PDE4D: variants seen among roughly 807,000 people sequenced by gnomAD.
PDE4D encodes the protein phosphodiesterase 4D.
Under a neutral mutation model 87.4 loss-of-function variants are expected in PDE4D, and 24 were observed. The ratio of observed to expected loss-of-function variants is 0.27; its 90% CI spans 0.20 to 0.39. PDE4D has a LOEUF of 0.39. PDE4D is among the 10% of genes least tolerant of loss of function. The pLI is 1.00. For missense variants in PDE4D, 714 were observed against 1,041.0 expected, an observed-to-expected ratio of 0.69 and a Z score of 4.32; for synonymous variants, 384 against 383.2, an observed-to-expected ratio of 1.00 and a Z score of -0.02.
At chr5:59,378,333 C>T (rs1785089986) in intron 1 of PDE4D, among the ~76,000 whole-genome samples, 1 of 151,998 alleles carries the variant, frequency 6.6e-6, no homozygotes. Context: ...AGGTAGTAGG[C>T]TTAATACTTG....
chr5:59,164,643 C>T (rs1267663502), intron 5 of PDE4D, among the ~76,000 whole-genome samples: 1 of 152,132 alleles, frequency 6.6e-6, no homozygotes, highest in African/African-American at 2.4e-5. Context: ...TGGGAAAAAG[C>T]ACATATCTTT....
At chr5:60,452,547 G>T (rs963245923) in intron 1 of PDE4D, among the ~76,000 whole-genome samples, 1 of 151,990 alleles carries the variant, frequency 6.6e-6, no homozygotes, top group African/African-American at 2.4e-5. Flanking sequence ...ACAATGATAT[G>T]AACCCTGTCC....
intron 1 of PDE4D, among the ~76,000 whole-genome samples, chr5:60,461,452 C>T (rs754451597): frequency 2.8e-4 from 42 of 152,284 alleles, no homozygotes; most frequent in Non-Finnish European, 4.4e-4. Context: ...TGTTGCCCTG[C>T]GGGCTAGTTC....
chr5:59,304,924 G>A (rs777726840), intron 1 of PDE4D, among the ~76,000 whole-genome samples: 3 of 152,112 alleles, frequency 2.0e-5, no homozygotes, highest in African/African-American at 7.2e-5. Flanking sequence ...ACGAATTAGG[G>A]AAGGTTCCTT....
At chr5:60,242,538 T>C (rs572779347) in intron 1 of PDE4D, among the ~76,000 whole-genome samples, 1 of 152,278 alleles carries the variant, frequency 6.6e-6, no homozygotes, top group African/African-American at 2.4e-5. Context: ...CACATTCTTT[T>C]CCTCAGCACA....
chr5:60,251,997 A>G (rs1194716304), intron 1 of PDE4D, among the ~76,000 whole-genome samples: 1 of 151,938 alleles, frequency 6.6e-6, no homozygotes, highest in Non-Finnish European at 1.5e-5. Context: ...CTTAGATACA[A>G]AAATGCTTGC....
At chr5:59,358,648 A>G (rs908552206) in intron 1 of PDE4D, among the ~76,000 whole-genome samples, 1 of 152,126 alleles carries the variant, frequency 6.6e-6, no homozygotes, top group Non-Finnish European at 1.5e-5. Context: ...CTGAGACTAA[A>G]GCCAGACAGT....
At chr5:59,421,246 T>C (rs1794446035) in intron 1 of PDE4D, among the ~76,000 whole-genome samples, 1 of 152,162 alleles carries the variant, frequency 6.6e-6, no homozygotes, top group Non-Finnish European at 1.5e-5. Context: ...ATCAGAGCAG[T>C]AGAATTTGTA....
chr5:60,126,882 A>G (rs1057227501), intron 2 of PDE4D, among the ~76,000 whole-genome samples: 6 of 152,228 alleles, frequency 3.9e-5, no homozygotes, highest in Non-Finnish European at 7.3e-5. Context: ...TCAGTGAATA[A>G]AAGAGACTAA....
chr5:59,143,913 G>A (rs1778253906), intron 5 of PDE4D, among the ~76,000 whole-genome samples: 1 of 152,172 alleles, frequency 6.6e-6, no homozygotes, highest in Non-Finnish European at 1.5e-5. Context: ...ATTCCACAGG[G>A]TTGATGTTGG....
chr5:59,233,894 T>C (rs1448885459), intron 1 of PDE4D, among the ~76,000 whole-genome samples: 1 of 152,126 alleles, frequency 6.6e-6, no homozygotes, highest in African/African-American at 2.4e-5. Context: ...GTAAGGATGG[T>C]AGTAGTTACA....
intron 1 of PDE4D, among the ~76,000 whole-genome samples, chr5:59,313,765 C>A (rs184028929): frequency 2.8e-4 from 42 of 152,228 alleles, no homozygotes; most frequent in Non-Finnish European, 4.6e-4. Flanking sequence ...AACTTGTGTA[C>A]CCACCCAGGT....
intron 1 of PDE4D, among the ~76,000 whole-genome samples, chr5:60,209,966 A>C (rs976238664): frequency 2.0e-5 from 3 of 152,206 alleles, no homozygotes; most frequent in African/African-American, 7.2e-5. Flanking sequence ...CTATTTATGC[A>C]GCTATAAGGC....
chr5:59,478,639 CAG>C (rs796708713), intron 1 of PDE4D, among the ~76,000 whole-genome samples: 8 of 152,186 alleles, frequency 5.3e-5, no homozygotes, highest in African/African-American at 1.9e-4. Context: ...TTACATACCA[CAG>C]ACACTAAATC....
At chr5:59,798,456 G>A (rs1353664004) in intron 1 of PDE4D, among the ~76,000 whole-genome samples, 1 of 152,068 alleles carries the variant, frequency 6.6e-6, no homozygotes, top group Non-Finnish European at 1.5e-5. Flanking sequence ...GAGCACTTGC[G>A]TAGTTCTGGG....
intron 2 of PDE4D, among the ~76,000 whole-genome samples, chr5:60,004,285 T>TG (rs1422114131): frequency 6.6e-6 from 1 of 152,114 alleles, no homozygotes; most frequent in African/African-American, 2.4e-5. Context: ...TTGGTATCCA[T>TG]GGGGGATTGG....
chr5:60,495,664 A>G (rs753254361), intron 1 of PDE4D, among the ~76,000 whole-genome samples: 3 of 152,248 alleles, frequency 2.0e-5, no homozygotes, highest in Non-Finnish European at 4.4e-5. Flanking sequence ...AAAATTGCAC[A>G]TGGGTGCGGA....
chr5:59,300,111 C>CAAAAAAAA (rs58771016), intron 1 of PDE4D, among the ~76,000 whole-genome samples: 1 of 48,752 alleles, frequency 2.1e-5, no homozygotes, highest in African/African-American at 9.1e-5. Context: ...GGGTCTGTCT[C>CAAAAAAAA]AAAAAAAAAA....
rs1001030257 is a variant in PDE4D at position 58,988,559 on chromosome 5, T to C, written c.1486A>G (p.Ile496Val). The part of the protein sequence containing the change: ...VFTDLEILAA[I>V]FASAIHDVDH... ...ACATCATGTATTGCACTGGCAAAAA[T>C]TGCTGCAAGAATCTCCAAATCTGTA... Residue 496 changes from isoleucine (I) to valine (V), a missense_variant, in exon 11 of 15, where the codon ATT becomes GTT. By Grantham distance (29) the Ile-to-Val change is conservative (BLOSUM62 3). Transcript: ENST00000340635. 27 of 1,502,028 alleles carry C rather than the reference T, an allele frequency of 1.8e-5. No homozygotes were observed. Among genetic ancestry groups the C allele is most frequent in the Admixed American group, 4.1e-5 (2 of 48,548 alleles). The allele number at this position is 1,502,028 out of a possible 1,614,324, so 93.0% of individuals were successfully genotyped here.
Sources: gnomAD v4.1 joint callset for allele counts (sites outside exome capture counted in the v4.1 genomes callset) on GRCh38, gnomAD v4.1.1 for gene constraint, MANE v1.5 for transcripts, NCBI Gene and HGNC (gene_info 2026-07-23, HGNC 2026-07-21) for gene names.